The following PRDM5 variants were observed in gnomAD, a reference collection of about 807,000 sequenced individuals.
The protein encoded by PRDM5 is PR domain zinc finger protein 5.
Under a neutral mutation model 81.2 loss-of-function variants are expected in PRDM5, and 56 were observed. The ratio of observed to expected loss-of-function variants is 0.69; its 90% CI spans 0.56 to 0.86. The LOEUF is 0.86. Ranked by LOEUF, PRDM5 falls within the 40% of genes least tolerant of loss-of-function variation. The pLI is 0.00. For missense variants in PRDM5, 697 were observed against 770.1 expected, an observed-to-expected ratio of 0.91 and a Z score of 1.12; for synonymous variants, 267 against 256.4, an observed-to-expected ratio of 1.04 and a Z score of -0.39.
In PRDM5 at chr4:120,878,753, A is replaced by G. The variant is rs10005126; in HGVS notation, c.178-25213T>C. 1.4e-3 allele frequency among the ~76,000 whole-genome samples: 213 copies of G among 152,314 alleles called. 1 individual carries two copies. The highest frequency in any genetic ancestry group is 5.0e-3 in the African/African-American group (207 of 41,572). Reference sequence around the variant, plus strand: ...ATCTAAACAAACCCTTGGCCAAAAGATGAACAAATGACAAATAAGTATAGG... The same window carrying G: ...ATCTAAACAAACCCTTGGCCAAAAGGTGAACAAATGACAAATAAGTATAGG... On this transcript the variant is annotated intron_variant, in intron 2 of 15. Transcript: ENST00000264808.
At chr4:120,697,310 C>CAG (rs907943882) in intron 15 of PRDM5, among the ~76,000 whole-genome samples, 1 of 152,034 alleles carries the variant, frequency 6.6e-6, no homozygotes, top group African/African-American at 2.4e-5. Context: ...CTTGGATAGA[C>CAG]AGAGAGAGAG....
intron 2 of PRDM5, among the ~76,000 whole-genome samples, chr4:120,877,341 T>C (rs1208152232): frequency 6.6e-6 from 1 of 152,244 alleles, no homozygotes; most frequent in East Asian, 1.9e-4. Context: ...GTTGAAATTT[T>C]AACTGAATAA....
chr4:120,718,037 C>T (rs993514311), intron 14 of PRDM5, among the ~76,000 whole-genome samples: 7 of 152,144 alleles, frequency 4.6e-5, no homozygotes, highest in Non-Finnish European at 1.0e-4. Flanking sequence ...CTGTCAGAGC[C>T]TGTGGTCTTC....
rs540324944 is a variant in PRDM5 at position 120,806,311 on chromosome 4, C to T, written c.945+5059G>A. ...TAGATTCAATGCCATCCCTATCAAGCTACTAATGACTTTCTTCACAGAATT... is the reference window on the plus strand; with the variant it reads ...TAGATTCAATGCCATCCCTATCAAGTTACTAATGACTTTCTTCACAGAATT... On this transcript the variant is annotated intron_variant, in intron 8 of 15. Coordinates refer to ENST00000264808, the MANE Select transcript of PRDM5 (RefSeq NM_018699.4). 1.4e-4 allele frequency among the ~76,000 whole-genome samples: 21 copies of T among 152,248 alleles called. No individual in the cohort carries two copies. The East Asian group carries it at 3.9e-3, about 28-fold the overall frequency.
rs188427518 is a variant in PRDM5, at chr4:120,811,630, T to C, written c.866-181A>G. On this transcript the variant is annotated intron_variant, in intron 7 of 15. Transcript: ENST00000264808. ...ATATTTTAAATCTTTTTAATTATTT[T>C]TAATTAGAGAAAAGACATACAAATT... is the stretch of plus-strand genomic sequence containing the variant. Among the ~76,000 whole-genome samples, 1,252 of 152,224 alleles carry C rather than the reference T, an allele frequency of 8.2e-3. 7 individuals carry two copies. The highest frequency in any genetic ancestry group is 0.013 in the Non-Finnish European group (894 of 67,950).
chr4:120,809,853 T>A (rs1253162840), intron 8 of PRDM5, among the ~76,000 whole-genome samples: 1 of 152,140 alleles, frequency 6.6e-6, no homozygotes. Flanking sequence ...GCTAGCAACT[T>A]ATTAACATTC....
intron 10 of PRDM5, among the ~76,000 whole-genome samples, chr4:120,797,765 G>C (rs1451801000): frequency 6.6e-6 from 1 of 152,136 alleles, no homozygotes; most frequent in Non-Finnish European, 1.5e-5. Flanking sequence ...CATCAGTATG[G>C]TGTTGATAGC....
downstream of PRDM5, among the ~76,000 whole-genome samples, chr4:120,689,762 G>A (rs34537501): frequency 0.17 from 26,205 of 151,784 alleles, 2,590 homozygotes; most frequent in Non-Finnish European, 0.24. Context: ...TTACAGGTGC[G>A]TGCCACCACA....
chr4:120,890,287 T>G (rs1214782480), intron 2 of PRDM5, among the ~76,000 whole-genome samples: 1 of 152,094 alleles, frequency 6.6e-6, no homozygotes, highest in Non-Finnish European at 1.5e-5. Context: ...TACACACTTT[T>G]AAATGAACAG....
At chr4:120,758,697 T>C (rs1449434611) in intron 13 of PRDM5, among the ~76,000 whole-genome samples, 1 of 151,898 alleles carries the variant, frequency 6.6e-6, no homozygotes, top group Admixed American at 6.6e-5. Flanking sequence ...TTTTATAGTT[T>C]AAGCCACTCA....
At chr4:120,761,963 T>A (rs967123730) in intron 13 of PRDM5, among the ~76,000 whole-genome samples, 15 of 152,112 alleles carry the variant, frequency 9.9e-5, no homozygotes, top group African/African-American at 2.9e-4. Context: ...CACAATTTTT[T>A]AAAAAAGTGT....
intron 14 of PRDM5, among the ~76,000 whole-genome samples, chr4:120,730,810 C>A (rs1423599910): frequency 6.6e-6 from 1 of 152,078 alleles, no homozygotes; most frequent in Admixed American, 6.6e-5. Flanking sequence ...TTTATTTTAG[C>A]TAAATCTGCA....
At chr4:120,884,901 T>C (rs567009179) in intron 2 of PRDM5, among the ~76,000 whole-genome samples, 1 of 151,910 alleles carries the variant, frequency 6.6e-6, no homozygotes, top group South Asian at 2.1e-4. Context: ...CGGTGGCTCA[T>C]GCCTGTAATC....
At chr4:120,725,913 C>T (rs575261693) in intron 14 of PRDM5, among the ~76,000 whole-genome samples, 88 of 152,146 alleles carry the variant, frequency 5.8e-4, no homozygotes, top group African/African-American at 2.0e-3. Flanking sequence ...TCTCTCATCT[C>T]GTATCTAAAT....
At chr4:120,686,847 C>T (rs998164700) in intron 1 of PRDM5, among the ~76,000 whole-genome samples, 1 of 151,730 alleles carries the variant, frequency 6.6e-6, no homozygotes, top group Non-Finnish European at 1.5e-5. Flanking sequence ...TATATATAAT[C>T]ATATGTTTCT....
chr4:120,858,687 T>C (rs577585940), intron 2 of PRDM5, among the ~76,000 whole-genome samples: 15 of 152,170 alleles, frequency 9.9e-5, no homozygotes, highest in Non-Finnish European at 1.0e-4. Flanking sequence ...CTGGTAATCC[T>C]AACCCATGGA....
chr4:120,781,828 A>G (rs971512100), intron 11 of PRDM5, among the ~76,000 whole-genome samples: 1 of 152,176 alleles, frequency 6.6e-6, no homozygotes, highest in Non-Finnish European at 1.5e-5. Flanking sequence ...TGGGAGAGGG[A>G]AAGTTACAAT....
intron 14 of PRDM5, among the ~76,000 whole-genome samples, chr4:120,748,690 CT>C (rs1431407577): frequency 1.3e-5 from 2 of 151,450 alleles, no homozygotes; most frequent in Non-Finnish European, 2.9e-5. Context: ...CTCCAAATAG[CT>C]CTCTCCTCCA....
intron 3 of PRDM5, among the ~76,000 whole-genome samples, chr4:120,825,069 C>T (rs925126109): frequency 3.7e-4 from 56 of 152,076 alleles, no homozygotes; most frequent in Non-Finnish European, 1.8e-4. Flanking sequence ...CCAAAGAGAG[C>T]AGGACTTTGG....
Sources: allele counts gnomAD v4.1 joint callset (sites outside exome capture counted in the v4.1 genomes callset), GRCh38; gene constraint gnomAD v4.1.1; transcripts MANE v1.5; gene names NCBI Gene and HGNC (gene_info 2026-07-23, HGNC 2026-07-21).